PIK3CD: variants seen among roughly 807,000 people sequenced by gnomAD.
PIK3CD encodes phosphatidylinositol-4,5-bisphosphate 3-kinase catalytic subunit delta, also known as phosphatidylinositol 4,5-bisphosphate 3-kinase catalytic subunit delta isoform.
PIK3CD carries 20 observed loss-of-function variants against 122.9 expected under a neutral mutation model. The observed-to-expected ratio is 0.16, with a 90% confidence interval of 0.11 to 0.24. The LOEUF is 0.24. Ranked by LOEUF, PIK3CD falls within the 10% of genes least tolerant of loss-of-function variation. The pLI is 1.00. For synonymous variants in PIK3CD, 596 were observed against 593.4 expected (o/e 1.00, Z -0.06); for missense variants, 787 against 1,406.3 (o/e 0.56, Z 7.04).
chr1:9,694,431 G>T (rs762074394), intron 2 of PIK3CD, among the ~76,000 whole-genome samples: 3 of 152,230 alleles, frequency 2.0e-5, no homozygotes, highest in Admixed American at 1.3e-4. Context: ...CTACTTAGGA[G>T]GCTGAGGTAG....
Position 9,715,741 on chromosome 1 carries a change from C to T in PIK3CD, c.342C>T (p.Asn114=), listed in dbSNP as rs201273776. Residue 114 remains asparagine (N), a synonymous_variant, in exon 4 of 24, where the codon AAC becomes AAT. Transcript: ENST00000377346. The surrounding 1 kb of genome is among the most constrained non-coding windows in gnomAD (Gnocchi z 4.1). ...REGDRVKKLI[N]SQISLLIGKG... ...GCGACCGCGTGAAGAAGCTCATCAA[C>T]TCACAGATCAGCCTCCTCATCGGCA... 114 of 1,613,440 alleles carry T rather than the reference C, an allele frequency of 7.1e-5. No homozygotes were observed. The Admixed American group carries it at 1.8e-3, about 26-fold the overall frequency.
chr1:9,690,941 G>A (rs1305327396), intron 1 of PIK3CD, among the ~76,000 whole-genome samples: 3 of 152,098 alleles, frequency 2.0e-5, no homozygotes, highest in African/African-American at 4.8e-5. Context: ...AGCGGCTGAG[G>A]TGGGGGAAGA....
Position 9,716,031 on chromosome 1 carries a change from C to T in PIK3CD, c.553C>T (p.Leu185Phe), listed in dbSNP as rs1647365072. The change falls in exon 5 of 24, where the codon CTC (leucine) becomes TTC (phenylalanine). Residue 185 changes from leucine (L) to phenylalanine (F), a missense_variant. Leu to Phe is a conservative substitution (Grantham distance 22, BLOSUM62 0). Around this residue, in one of 6 missense-constraint regions of PIK3CD, gnomAD observed 592 missense variants for 920.6 expected, o/e 0.64. Transcript: ENST00000377346. Reference sequence around the variant, plus strand: ...AACCTGGGGGCCTGGTACCCTGCGGCTCCCGAACCGGGCCCTTCTGGTCAA... The same window carrying T: ...AACCTGGGGGCCTGGTACCCTGCGGTTCCCGAACCGGGCCCTTCTGGTCAA... The part of the protein sequence containing the change: ...AQTWGPGTLR[L>F]PNRALLVNVK... 1.2e-6 allele frequency: 2 copies of T among 1,612,656 alleles called. No individual in the cohort carries two copies. Among genetic ancestry groups the T allele is most frequent in the East Asian group, 4.5e-5 (2 of 44,876 alleles).
the PIK3CD span, among the ~76,000 whole-genome samples, chr1:9,633,610 ATGTCATGAAATCTTATGCGGT>A: frequency 0.06 from 9,193 of 152,248 alleles, 330 homozygotes; most frequent in African/African-American, 0.08. Context: ...GGCCCAGCTA[ATGTCATGAAATCTTATGCGGT>A]TGAACATTCA....
At position 9,717,495 on chromosome 1, in the gene PIK3CD, C is replaced by A; in HGVS notation, c.931-42C>A. On this transcript the variant is annotated intron_variant, in intron 7 of 23. Coordinates refer to ENST00000377346, the MANE Select transcript of PIK3CD (RefSeq NM_005026.5). The surrounding 1 kb of genome is among the most constrained non-coding windows in gnomAD (Gnocchi z 5.4). ...CACCATAGGCCAGGGAGACAAGCTG[C>A]ACTTTGAGCCGTGTTAACAGCCCTG... The A allele has an allele frequency of 6.3e-7, 1 of 1,586,068 alleles. No homozygotes were observed. The highest frequency in any genetic ancestry group is 8.7e-7 in the Non-Finnish European group (1 of 1,154,876).
At chr1:9,644,111 G>A in the PIK3CD span, among the ~76,000 whole-genome samples, 2 of 152,198 alleles carry the variant, frequency 1.3e-5, no homozygotes, top group African/African-American at 2.4e-5. Flanking sequence ...GCCACTCCGG[G>A]TTGAGCAAAA....
upstream of PIK3CD, among the ~76,000 whole-genome samples, chr1:9,648,715 C>T (rs1364796580): frequency 6.6e-6 from 1 of 152,250 alleles, no homozygotes; most frequent in Non-Finnish European, 1.5e-5. Flanking sequence ...TGGGGACAGG[C>T]CCAACGTTCC....
upstream of PIK3CD, among the ~76,000 whole-genome samples, chr1:9,646,944 CAAAAA>C (rs564896067): frequency 8.7e-6 from 1 of 114,588 alleles, no homozygotes; most frequent in Non-Finnish European, 1.9e-5. Flanking sequence ...GACTCCATCT[CAAAAA>C]AAAAAAAAAA....
In PIK3CD at chr1:9,727,307, AC is replaced by A. The variant is rs1305971830; in HGVS notation, c.*265del. The A allele has an allele frequency of 1.9e-5, 10 of 532,038 alleles. No homozygotes were observed. Among genetic ancestry groups the A allele is most frequent in the Non-Finnish European group, 3.4e-5 (10 of 294,590 alleles). The allele number at this position is 532,038 out of a possible 1,614,324, so 33.0% of individuals were successfully genotyped here. ...ACCTGGCTCTCGGCTGAGGATTGTC[AC>A]CCCAAGTCTTCCAGCTGGTGGATCT... On this transcript the variant is annotated 3_prime_UTR_variant, in exon 24 of 24. Coordinates refer to ENST00000377346, the MANE Select transcript of PIK3CD (RefSeq NM_005026.5).
At chr1:9,669,401 G>A (rs935501265) in intron 1 of PIK3CD, among the ~76,000 whole-genome samples, 5 of 152,098 alleles carry the variant, frequency 3.3e-5, no homozygotes, top group Non-Finnish European at 7.4e-5. Context: ...GAGTGACCAT[G>A]GCCCAAGAAA....
chr1:9,694,972 AAGAGAGAGAG>A (rs113822530), intron 2 of PIK3CD, among the ~76,000 whole-genome samples: 3 of 150,752 alleles, frequency 2.0e-5, no homozygotes, highest in Non-Finnish European at 4.4e-5. Context: ...AAAAACAAAA[AAGAGAGAGAG>A]AGAGAGAGAC....
chr1:9,673,099 C>CTT (rs541906039), intron 1 of PIK3CD, among the ~76,000 whole-genome samples: 10,565 of 136,332 alleles, frequency 0.077, 970 homozygotes, highest in East Asian at 0.5. Context: ...TTTAATCCTA[C>CTT]TTTTTTTTTT....
At position 9,727,049 on chromosome 1, in the gene PIK3CD, G is replaced by T; in HGVS notation, c.*3G>T. 6.2e-7 allele frequency: 1 copy of T among 1,614,046 alleles called. No individual in the cohort carries two copies. On this transcript the variant is annotated 3_prime_UTR_variant, in exon 24 of 24. Coordinates refer to ENST00000377346, the MANE Select transcript of PIK3CD (RefSeq NM_005026.5). Reference sequence around the variant, plus strand: ...TGTCCAAAGACAACAGGCAGTAGTGGCTCCTCCCAGCCCTGGGCCCAAGAG... The same window carrying T: ...TGTCCAAAGACAACAGGCAGTAGTGTCTCCTCCCAGCCCTGGGCCCAAGAG...
In PIK3CD at chr1:9,715,571, C is replaced by T; in HGVS notation, c.172C>T (p.Leu58Phe). 1 of 1,613,710 alleles carries T rather than the reference C, an allele frequency of 6.2e-7. No homozygotes were observed. The highest frequency in any genetic ancestry group is 1.1e-5 in the South Asian group (1 of 91,088). The change falls in exon 4 of 24, where the codon CTC (leucine) becomes TTC (phenylalanine). Residue 58 changes from leucine to phenylalanine, a missense_variant. Physicochemically the swap from Leu to Phe is conservative, Grantham distance 22 (BLOSUM62 0). Coordinates refer to ENST00000377346, the MANE Select transcript of PIK3CD (RefSeq NM_005026.5). The surrounding 1 kb of genome is among the most constrained non-coding windows in gnomAD (Gnocchi z 4.1). Reference sequence around the variant, plus strand: ...GTGGCACCGCGCCCAGTATGAGCCGCTCTTCCACATGCTCAGTGGCCCCGA... The same window carrying T: ...GTGGCACCGCGCCCAGTATGAGCCGTTCTTCCACATGCTCAGTGGCCCCGA... Reference protein sequence around the residue: ...LLWHRAQYEPLFHMLSGPEAY... With the variant: ...LLWHRAQYEPFFHMLSGPEAY...
In PIK3CD at chr1:9,722,306, A is replaced by G. The variant is rs1457681300; in HGVS notation, c.2297A>G (p.Glu766Gly). 5.6e-6 allele frequency: 9 copies of G among 1,613,550 alleles called. 1 individual carries two copies. In the East Asian group the frequency reaches 2.0e-4, roughly 36 times the overall value. The change falls in exon 18 of 24, where the codon GAG becomes GGG. Residue 766 changes from glutamate to glycine, a missense_variant. Coordinates refer to ENST00000377346, the MANE Select transcript of PIK3CD (RefSeq NM_005026.5). The surrounding 1 kb of genome is among the most constrained non-coding windows in gnomAD (Gnocchi z 7.6). ...CCCCTGTGGATCATGTACAGCAACG[A>G]GGAGGCAGGCAGCGGCGGCAGCGTG... is the stretch of plus-strand genomic sequence containing the variant. The part of the protein sequence containing the change: ...MKPLWIMYSN[E>G]EAGSGGSVGI...
Position 9,710,854 on chromosome 1 carries a change from C to T in PIK3CD, c.141+258C>T, listed in dbSNP as rs1647022887. 1.3e-5 allele frequency among the ~76,000 whole-genome samples: 2 copies of T among 152,162 alleles called. No homozygotes were observed. Among genetic ancestry groups the T allele is most frequent in the Non-Finnish European group, 2.9e-5 (2 of 68,034 alleles). On this transcript the variant is annotated intron_variant, in intron 3 of 23. Transcript: ENST00000377346. This position sits in a 1 kb window ranked among gnomAD's most constrained non-coding sequence, Gnocchi z 4.7. Reference sequence around the variant, plus strand: ...AGGCTGGTGTGCAATGGCGCAATCTCGGCTCACTGCAACCTCCAACTCCCG... The same window carrying T: ...AGGCTGGTGTGCAATGGCGCAATCTTGGCTCACTGCAACCTCCAACTCCCG...
At chr1:9,648,039 A>G (rs1337906722), upstream of PIK3CD, among the ~76,000 whole-genome samples, 1 of 152,026 alleles carries the variant, frequency 6.6e-6, no homozygotes, top group Non-Finnish European at 1.5e-5. Flanking sequence ...ACCATGAATG[A>G]CTCCATATTG....
chr1:9,691,451 T>G lies in PIK3CD; in HGVS notation c.-137-16T>G. On this transcript the variant is annotated splice_polypyrimidine_tract_variant and intron_variant, in intron 1 of 23. Transcript: ENST00000377346. ...AAAATAGTTTTCTTTCTTTCTTTCT[T>G]TCTTTTCCCCAACAGATAAGGAGTC... The G allele has an allele frequency of 2.5e-6, 1 of 398,576 alleles. No individual in the cohort carries two copies. Among genetic ancestry groups the G allele is most frequent in the Non-Finnish European group, 4.4e-6 (1 of 226,054 alleles). 24.7% of individuals were successfully genotyped at this position (398,576 alleles called of 1,614,324 possible).
rs1649797451 is a variant in PIK3CD, at chr1:9,727,236, A to T, written c.*190A>T. On this transcript the variant is annotated 3_prime_UTR_variant, in exon 24 of 24. Coordinates refer to ENST00000377346, the MANE Select transcript of PIK3CD (RefSeq NM_005026.5). The stretch of plus-strand genomic sequence containing the variant: ...TAAGGAGCTAAACAGCCATAAACGG[A>T]AACGCCTCCTTCATGCAGCGGCGGT... 1 of 689,028 alleles carries T rather than the reference A, an allele frequency of 1.5e-6. No individual in the cohort carries two copies. The highest frequency in any genetic ancestry group is 4.0e-4 in the Middle Eastern group (1 of 2,488). The allele number at this position is 689,028 out of a possible 1,614,324, so 42.7% of individuals were successfully genotyped here.
Sources: gnomAD v4.1 joint callset for allele counts (sites outside exome capture counted in the v4.1 genomes callset) on GRCh38, gnomAD v4.1.1 for gene constraint, gnomAD v4.1.1 regional missense constraint, Gnocchi (gnomAD v3.1) non-coding constraint, MANE v1.5 for transcripts, NCBI Gene and HGNC (gene_info 2026-07-23, HGNC 2026-07-21) for gene names.